The following SEPTIN2 variants were observed in gnomAD, a reference collection of about 807,000 sequenced individuals.
SEPTIN2 encodes the protein septin 2.
A neutral mutation model predicts 46.5 loss-of-function variants in SEPTIN2; 34 were observed. That is an observed-to-expected ratio of 0.73 (90% CI 0.56 to 0.97). SEPTIN2 has a LOEUF of 0.97. Ranked by LOEUF, SEPTIN2 falls within the 50% of genes least tolerant of loss-of-function variation. SEPTIN2 has a pLI of 0.00. For missense variants in SEPTIN2, 347 were observed against 448.4 expected (o/e 0.77, Z 2.04); for synonymous variants, 175 against 153.4 (o/e 1.14, Z -1.04).
At position 241,336,834 on chromosome 2, in the gene SEPTIN2, G is replaced by T. The variant is rs149808321; in HGVS notation, c.342-548G>T. ...GCCCTGGCTGGGTGCGATGGCTCAT[G>T]CCTGTAATCCCAGCACTTTGGGAGG... On this transcript the variant is annotated intron_variant, in intron 5 of 12. Transcript: ENST00000391971. 873 of 170,342 alleles carry T rather than the reference G, an allele frequency of 5.1e-3. 15 individuals are homozygous for T. Among genetic ancestry groups the T allele is most frequent in the African/African-American group, 0.019 (807 of 41,564 alleles). 10.6% of individuals were successfully genotyped at this position (170,342 alleles called of 1,614,324 possible). A position where few individuals can be genotyped will look rare whatever the true frequency, so the allele number is the denominator to read the frequency against.
intron 1 of SEPTIN2, among the ~76,000 whole-genome samples, chr2:241,317,934 A>G (rs2076608221): frequency 6.6e-6 from 1 of 152,190 alleles, no homozygotes; most frequent in South Asian, 2.1e-4. Context: ...TCATTTGACT[A>G]CATTTTTGGT....
chr2:241,324,504 C>T (rs1575165024), intron 2 of SEPTIN2: 1 of 471,730 alleles, frequency 2.1e-6, no homozygotes, highest in Non-Finnish European at 4.0e-6. Flanking sequence ...TCCCCTGGCT[C>T]AGCCTCCGGA....
intron 3 of SEPTIN2, 71 bp downstream of exon 3, chr2:241,326,184 A>G (rs2077934228): frequency 3.5e-6 from 5 of 1,421,872 alleles, no homozygotes; most frequent in East Asian, 2.4e-5. Flanking sequence ...GGAGTATGAT[A>G]ACGTGACCTA....
chr2:241,345,735 A>G lies in SEPTIN2; in HGVS notation c.843-431A>G, dbSNP rs114470654. ...AAGCTAACCAACTCTTTTTTCTCAT[A>G]TGAGAGTAATATATAAATTTTGAGT... On this transcript the variant is annotated intron_variant, in intron 9 of 12. Transcript: ENST00000391971. Among the ~76,000 whole-genome samples the G allele has an allele frequency of 6.8e-4, 104 of 152,218 alleles. 1 individual carries two copies. In the Middle Eastern group the frequency reaches 0.024, roughly 35 times the overall value.
At chr2:241,316,287 T>C in intron 1 of SEPTIN2, 1 of 476,528 alleles carries the variant, frequency 2.1e-6, no homozygotes, top group South Asian at 3.1e-5. Context: ...TCGTCGGTGC[T>C]GGGCCTCGGG....
In SEPTIN2 at chr2:241,344,391, T is replaced by C. The variant is rs139872174; in HGVS notation, c.842+494T>C. Among the ~76,000 whole-genome samples the C allele has an allele frequency of 2.1e-3, 325 of 152,302 alleles. 1 individual carries two copies. The highest frequency in any genetic ancestry group is 6.9e-3 in the African/African-American group (287 of 41,556). On this transcript the variant is annotated intron_variant, in intron 9 of 12. Coordinates refer to ENST00000391971, the MANE Select transcript of SEPTIN2 (RefSeq NM_004404.5). ...GCAATTACAGACCTGACTACAAAAA[T>C]AGTCTTCTTTAAAAATGAATTTCAT...
intron 11 of SEPTIN2, among the ~76,000 whole-genome samples, chr2:241,349,049 A>G (rs183809994): frequency 1.3e-5 from 2 of 152,318 alleles, no homozygotes; most frequent in Admixed American, 6.5e-5. Flanking sequence ...AATGATAAGG[A>G]TAAAGATGAA....
intron 1 of SEPTIN2, among the ~76,000 whole-genome samples, chr2:241,319,022 G>C (rs1182071356): frequency 1.3e-5 from 2 of 152,110 alleles, no homozygotes; most frequent in Non-Finnish European, 2.9e-5. Context: ...TGTGTATTCA[G>C]TCCAATCAGC....
At chr2:241,336,804 T>G (rs1359540591) in intron 5 of SEPTIN2, 2 of 170,610 alleles carry the variant, frequency 1.2e-5, no homozygotes, top group African/African-American at 2.4e-5. Context: ...TGAAAAGAAT[T>G]GGCAGCCCTG....
In SEPTIN2 at chr2:241,353,221, T is replaced by G. The variant is rs1161740823; in HGVS notation, c.*1284T>G. 6.6e-6 allele frequency: 1 copy of G among 152,266 alleles called. No homozygotes were observed. The highest frequency in any genetic ancestry group is 1.5e-5 in the Non-Finnish European group (1 of 68,054). 9.4% of individuals were successfully genotyped at this position (152,266 alleles called of 1,614,324 possible). A position where few individuals can be genotyped will look rare whatever the true frequency, so the allele number is the denominator to read the frequency against. On this transcript the variant is annotated 3_prime_UTR_variant, in exon 13 of 13. Transcript: ENST00000391971. Reference sequence around the variant, plus strand: ...ATGTCAAAGTGAAAGACATTTCAAATCTGTAGCATAGGCTAGTGGGCAGGT... The same window carrying G: ...ATGTCAAAGTGAAAGACATTTCAAAGCTGTAGCATAGGCTAGTGGGCAGGT...
At chr2:241,346,330 C>T (rs992706466) in intron 10 of SEPTIN2, 81 bp downstream of exon 10, 1 of 1,033,526 alleles carries the variant, frequency 9.7e-7, no homozygotes, top group Non-Finnish European at 1.4e-6. Context: ...TCAGCTCAGC[C>T]TTCTTGACCA....
chr2:241,346,137 C>T, intron 9 of SEPTIN2, 29 bp from the exon 10 acceptor site: 3 of 1,563,286 alleles, frequency 1.9e-6, no homozygotes, highest in Admixed American at 3.4e-5. Context: ...TGCATGATGC[C>T]ACCTTGGTGC....
intron 3 of SEPTIN2, among the ~76,000 whole-genome samples, chr2:241,332,397 A>G (rs990965430): frequency 2.6e-5 from 4 of 152,206 alleles, no homozygotes; most frequent in African/African-American, 7.2e-5. Context: ...AAGATAAACA[A>G]ATAGCCAATA....
Position 241,321,462 on chromosome 2 carries a change from C to G in SEPTIN2, c.-17-2754C>G, listed in dbSNP as rs1379750718. Among the ~76,000 whole-genome samples the G allele has an allele frequency of 2.6e-5, 4 of 152,066 alleles. 1 individual carries two copies. Among genetic ancestry groups the G allele is most frequent in the Non-Finnish European group, 5.9e-5 (4 of 68,020 alleles). On this transcript the variant is annotated intron_variant, in intron 1 of 12. Transcript: ENST00000391971. ...TTGGCTGATAGTAGTGTTGTCTCTC[C>G]TCCATGTTTGCACTAGCCTGCTATT...
rs368435030 is a variant in SEPTIN2 at position 241,335,169 on chromosome 2, C to A, written c.174C>A (p.Phe58Leu). Residue 58 changes from phenylalanine (F) to leucine (L), a missense_variant, in exon 4 of 13, where the codon TTC (phenylalanine) becomes TTA (leucine). Transcript: ENST00000391971. ...AATCGACTCTCATAAACAGCCTATTCCTAACTGATCTGTACCCAGAAAGAG... is the reference window on the plus strand; with the variant it reads ...AATCGACTCTCATAAACAGCCTATTACTAACTGATCTGTACCCAGAAAGAG... ...LGKSTLINSL[F>L]LTDLYPERVI... 1 of 1,613,742 alleles carries A rather than the reference C, an allele frequency of 6.2e-7. No homozygotes were observed. The highest frequency in any genetic ancestry group is 1.3e-5 in the African/African-American group (1 of 74,904).
At chr2:241,338,656 A>G (rs1226965935) in intron 7 of SEPTIN2, among the ~76,000 whole-genome samples, 1 of 128,510 alleles carries the variant, frequency 7.8e-6, no homozygotes, top group Non-Finnish European at 1.6e-5. Flanking sequence ...TATTACATAT[A>G]TATTATATCT....
intron 3 of SEPTIN2, among the ~76,000 whole-genome samples, chr2:241,334,727 GT>G (rs1304204370): frequency 3.9e-5 from 6 of 152,168 alleles, no homozygotes; most frequent in Admixed American, 6.5e-5. Flanking sequence ...GATATGTTCA[GT>G]TTTCTGAAAA....
chr2:241,337,806 G>T lies in SEPTIN2; in HGVS notation c.594+16G>T, dbSNP rs375641314. ...GAAGAAAAGGGTGAGTGAGGCTGGCGTCCTGCCCTCCCTCTGGGTGCGACT... is the reference window on the plus strand; with the variant it reads ...GAAGAAAAGGGTGAGTGAGGCTGGCTTCCTGCCCTCCCTCTGGGTGCGACT... On this transcript the variant is annotated intron_variant, in intron 7 of 12. Coordinates refer to ENST00000391971, the MANE Select transcript of SEPTIN2 (RefSeq NM_004404.5). 34 of 1,573,818 alleles carry T rather than the reference G, an allele frequency of 2.2e-5. No homozygotes were observed. In the African/African-American group the frequency reaches 3.1e-4, roughly 14 times the overall value.
chr2:241,337,093 C>CAA (rs201513274), intron 5 of SEPTIN2: 110 of 244,302 alleles, frequency 4.5e-4, no homozygotes, highest in Admixed American at 1.8e-3. Flanking sequence ...GACTCAGTCT[C>CAA]AAAAAAAAAA....
Sources: allele counts gnomAD v4.1 joint callset (sites outside exome capture counted in the v4.1 genomes callset), GRCh38; gene constraint gnomAD v4.1.1; transcripts MANE v1.5; gene names NCBI Gene and HGNC (gene_info 2026-07-23, HGNC 2026-07-21).